Variants in RAD51B observed in about 807,000 individuals in gnomAD.
RAD51B encodes the protein RAD51 paralog B, also known as DNA repair protein RAD51 homolog 2.
RAD51B carries 38 observed loss-of-function variants against 42.2 expected under a neutral mutation model. The ratio of observed to expected loss-of-function variants is 0.90; its 90% confidence interval spans 0.70 to 1.18. The LOEUF (loss-of-function observed/expected upper bound fraction) is 1.18. Ranked by LOEUF, RAD51B falls within the 50% of genes most tolerant of loss-of-function variation. The pLI is 0.00. For synonymous variants in RAD51B, 154 were observed against 145.2 expected (o/e 1.06, Z -0.43); for missense variants, 373 against 400.7 (o/e 0.93, Z 0.59).
intron 10 of RAD51B, among the ~76,000 whole-genome samples, chr14:68,504,116 C>T (rs1885113334): frequency 6.6e-6 from 1 of 152,156 alleles, no homozygotes; most frequent in African/African-American, 2.4e-5. Flanking sequence ...GGACACATTC[C>T]GGTACCAGAA....
chr14:68,659,920 A>C (rs1892899176), intron 11 of RAD51B, among the ~76,000 whole-genome samples: 1 of 152,252 alleles, frequency 6.6e-6, no homozygotes, highest in Non-Finnish European at 1.5e-5. Context: ...GGGGGAAAGA[A>C]TCTTGAGCTG....
At chr14:68,501,800 T>C (rs1884938264) in intron 10 of RAD51B, among the ~76,000 whole-genome samples, 1 of 152,292 alleles carries the variant, frequency 6.6e-6, no homozygotes, top group Non-Finnish European at 1.5e-5. Flanking sequence ...CTTGCCTATG[T>C]GCAGCCCAGG....
At chr14:68,047,186 A>G (rs1248413190) in intron 7 of RAD51B, among the ~76,000 whole-genome samples, 1 of 152,158 alleles carries the variant, frequency 6.6e-6, no homozygotes, top group Admixed American at 6.5e-5. Context: ...AACACCAGAA[A>G]GCAAAAGAAT....
chr14:68,342,139 A>G (rs1045084230), intron 8 of RAD51B, among the ~76,000 whole-genome samples: 1 of 152,228 alleles, frequency 6.6e-6, no homozygotes, highest in African/African-American at 2.4e-5. Flanking sequence ...CCTATCTTAC[A>G]GAAATAGGAT....
chr14:68,040,316 G>A (rs1266985225), intron 7 of RAD51B, among the ~76,000 whole-genome samples: 1 of 152,198 alleles, frequency 6.6e-6, no homozygotes, highest in African/African-American at 2.4e-5. Context: ...TTAGTCAACT[G>A]AGTATCATCC....
At chr14:68,364,517 G>C (rs953473529) in intron 8 of RAD51B, among the ~76,000 whole-genome samples, 1 of 151,968 alleles carries the variant, frequency 6.6e-6, no homozygotes, top group Admixed American at 6.6e-5. Context: ...GGCTCCACTC[G>C]CCAGCAGCCC....
At chr14:67,886,733 G>A (rs2043072616) in intron 6 of RAD51B, 1 of 280,728 alleles carries the variant, frequency 3.6e-6, no homozygotes, top group African/African-American at 2.2e-5. Flanking sequence ...GGGAGTAAGT[G>A]TGGGCCATTT....
intron 8 of RAD51B, chr14:68,339,294 G>A: frequency 1.1e-6 from 1 of 899,432 alleles, no homozygotes; most frequent in South Asian, 1.4e-5. Flanking sequence ...CTGGTTAATG[G>A]CAGGAGGCAC....
Position 68,353,319 on chromosome 14 carries a change from C to T in RAD51B, c.854-58105C>T, listed in dbSNP as rs545841155. Among the ~76,000 whole-genome samples, 3 of 152,270 alleles carry T rather than the reference C, an allele frequency of 2.0e-5. No individual in the cohort carries two copies. The East Asian group carries it at 5.8e-4, about 29-fold the overall frequency. ...TGCATTGGGGGTAATAGTGGATTTA[C>T]AAAAGACTACAATAATCTCGATCTG... On this transcript the variant is annotated intron_variant, in intron 8 of 10. Coordinates refer to ENST00000471583, the MANE Select transcript of RAD51B (RefSeq NM_133510.4).
chr14:67,893,659 A>G (rs1350447370), intron 7 of RAD51B, among the ~76,000 whole-genome samples: 1 of 152,144 alleles, frequency 6.6e-6, no homozygotes, highest in Non-Finnish European at 1.5e-5. Context: ...CGACAGAGCA[A>G]GACCCTGTCT....
At chr14:68,301,879 G>A (rs527293653) in intron 8 of RAD51B, among the ~76,000 whole-genome samples, 1 of 152,312 alleles carries the variant, frequency 6.6e-6, no homozygotes, top group East Asian at 1.9e-4. Context: ...TTACAGGAGT[G>A]AACCACTGCG....
chr14:68,044,413 C>T (rs1381832839), intron 7 of RAD51B, among the ~76,000 whole-genome samples: 2 of 152,002 alleles, frequency 1.3e-5, no homozygotes, highest in African/African-American at 4.8e-5. Flanking sequence ...CTCTCTTGTT[C>T]CCCATGTTCT....
At chr14:67,978,466 G>A (rs2075034018) in intron 7 of RAD51B, among the ~76,000 whole-genome samples, 1 of 152,186 alleles carries the variant, frequency 6.6e-6, no homozygotes, top group African/African-American at 2.4e-5. Flanking sequence ...GTGTGATGAT[G>A]TTAGCTTTGT....
chr14:68,649,205 A>G (rs1373375049), intron 10 of RAD51B, among the ~76,000 whole-genome samples: 1 of 152,200 alleles, frequency 6.6e-6, no homozygotes, highest in Non-Finnish European at 1.5e-5. Context: ...GTGGTTGAGC[A>G]GCTTGCTTTA....
chr14:68,610,140 TCTC>T (rs1891619846), intron 10 of RAD51B, among the ~76,000 whole-genome samples: 1 of 152,076 alleles, frequency 6.6e-6, no homozygotes, highest in Non-Finnish European at 1.5e-5. Flanking sequence ...GAACTGATCT[TCTC>T]CTCCCCAAAC....
chr14:68,041,202 G>C (rs763563911), intron 7 of RAD51B, among the ~76,000 whole-genome samples: 1 of 152,012 alleles, frequency 6.6e-6, no homozygotes, highest in Non-Finnish European at 1.5e-5. Context: ...CATCCCCTTC[G>C]CCTCCTGCCA....
chr14:68,673,613 ACG>A (rs1354613961), intron 11 of RAD51B, among the ~76,000 whole-genome samples: 6 of 146,442 alleles, frequency 4.1e-5, no homozygotes, highest in South Asian at 2.2e-4. Flanking sequence ...GCACACACAC[ACG>A]TACACATACT....
At chr14:68,393,674 C>T (rs1332490541) in intron 8 of RAD51B, among the ~76,000 whole-genome samples, 1 of 152,200 alleles carries the variant, frequency 6.6e-6, no homozygotes, top group Non-Finnish European at 1.5e-5. Context: ...GACTCAGATG[C>T]ATCTACAGTG....
chr14:67,986,896 T>C (rs915429763), intron 7 of RAD51B, among the ~76,000 whole-genome samples: 1 of 152,192 alleles, frequency 6.6e-6, no homozygotes, highest in African/African-American at 2.4e-5. Flanking sequence ...CATGCCCAGC[T>C]AATTTTTGTA....
Sources: gnomAD v4.1 joint callset for allele counts (sites outside exome capture counted in the v4.1 genomes callset) on GRCh38, gnomAD v4.1.1 for gene constraint, MANE v1.5 for transcripts, NCBI Gene and HGNC (gene_info 2026-07-23, HGNC 2026-07-21) for gene names.